Variants in RGPD3 observed in about 807,000 individuals in gnomAD.
RGPD3 encodes ranBP2-like and GRIP domain-containing protein 3.
Under a neutral mutation model 154.5 loss-of-function variants are expected in RGPD3, and 62 were observed. The ratio of observed to expected loss-of-function variants is 0.40; its 90% CI spans 0.33 to 0.50. The LOEUF (loss-of-function observed/expected upper bound fraction) is 0.50. Among genes scored for constraint, RGPD3 ranks in the 20% least tolerant of loss-of-function variants. RGPD3 has a pLI of 0.59. For synonymous variants in RGPD3, 308 were observed against 607.0 expected, an observed-to-expected ratio of 0.51 and a Z score of 7.24; for missense variants, 919 against 1,716.8, an observed-to-expected ratio of 0.54 and a Z score of 8.21.
chr2:106,412,117 T>C lies in RGPD3; in HGVS notation c.5266+967A>G, dbSNP rs924240833. Among the ~76,000 whole-genome samples, 632 of 145,736 alleles carry C rather than the reference T, an allele frequency of 4.3e-3. 2 individuals carry two copies. Among genetic ancestry groups the C allele is most frequent in the African/African-American group, 0.015 (575 of 39,170 alleles). The stretch of plus-strand genomic sequence containing the variant: ...GAGATTATAGCGTCTTCCTTGTGCT[T>C]GTAAATGTCAAAAATAAAAGTAATT... On this transcript the variant is annotated intron_variant, in intron 22 of 22. Transcript: ENST00000409886.
Position 106,414,451 on chromosome 2 carries a change from G to A in RGPD3, c.5065-1166C>T, listed in dbSNP as rs374365792. Among the ~76,000 whole-genome samples the A allele has an allele frequency of 5.1e-4, 77 of 151,734 alleles. 1 individual carries two copies. In the East Asian group the frequency reaches 0.015, roughly 30 times the overall value. The stretch of plus-strand genomic sequence containing the variant: ...ATCCTGGCCAACATGGTGAAACCAT[G>A]CCTCTAGTAAAATAAAAAAAATTAG... On this transcript the variant is annotated intron_variant, in intron 21 of 22. Coordinates refer to ENST00000409886, the MANE Select transcript of RGPD3 (RefSeq NM_001144013.2).
At chr2:106,408,823 A>G (rs900896146) in intron 22 of RGPD3, among the ~76,000 whole-genome samples, 6 of 151,874 alleles carry the variant, frequency 4.0e-5, no homozygotes, top group African/African-American at 1.4e-4. Context: ...AGTAGCTAGG[A>G]CTATGGGCAC....
intron 1 of RGPD3, among the ~76,000 whole-genome samples, chr2:106,465,818 G>C: frequency 6.6e-6 from 1 of 151,546 alleles, no homozygotes; most frequent in Non-Finnish European, 1.5e-5. Context: ...AGTGGAGCTG[G>C]ACCCTTACAA....
At chr2:106,413,501 C>T (rs1468146943) in intron 21 of RGPD3, among the ~76,000 whole-genome samples, 3 of 152,018 alleles carry the variant, frequency 2.0e-5, no homozygotes, top group Non-Finnish European at 2.9e-5. Flanking sequence ...ACATGAAAAC[C>T]GGAACTCCAA....
Position 106,420,324 on chromosome 2 carries a change from T to C in RGPD3, c.4924+2719A>G, listed in dbSNP as rs557614639. On this transcript the variant is annotated intron_variant, in intron 20 of 22. Coordinates refer to ENST00000409886, the MANE Select transcript of RGPD3 (RefSeq NM_001144013.2). ...GAAAACAACCCATCCCCAGCCACCATTAATGCAAAGGGCAAAAAATTAGAA... is the reference window on the plus strand; with the variant it reads ...GAAAACAACCCATCCCCAGCCACCACTAATGCAAAGGGCAAAAAATTAGAA... Among the ~76,000 whole-genome samples, 8 of 151,152 alleles carry C rather than the reference T, an allele frequency of 5.3e-5. No homozygotes were observed. The South Asian group carries it at 1.1e-3, about 20-fold the overall frequency.
chr2:106,406,751 C>T (rs1233270364), intron 22 of RGPD3, among the ~76,000 whole-genome samples: 4 of 152,200 alleles, frequency 2.6e-5, no homozygotes, highest in African/African-American at 4.8e-5. Context: ...TACTGGTTTT[C>T]ATTCCTCTTG....
Position 106,433,202 on chromosome 2 carries a change from G to A in RGPD3, c.2289C>T (p.Leu763=). ...ELENYSEGGP[L]YKNGSLRNAD... is the part of the protein sequence containing the mutation. ...CATTTCGCAAAGAACCATTTTTATA[G>A]AGAGGACCTCCTTCACTATAGTTTT... Residue 763 remains leucine, a synonymous_variant, in exon 16 of 23, where the codon CTC becomes CTT. Coordinates refer to ENST00000409886, the MANE Select transcript of RGPD3 (RefSeq NM_001144013.2). 1 of 1,611,820 alleles carries A rather than the reference G, an allele frequency of 6.2e-7. No homozygotes were observed. The highest frequency in any genetic ancestry group is 2.2e-5 in the East Asian group (1 of 44,774).
rs767595189 is a variant in RGPD3, at chr2:106,423,866, A to G, written c.4101T>C (p.Tyr1367=). Residue 1367 remains tyrosine (Y), a synonymous_variant, in exon 20 of 23, where the codon TAT becomes TAC. Coordinates refer to ENST00000409886, the MANE Select transcript of RGPD3 (RefSeq NM_001144013.2). ...CTTTCCATTGACCAACATCTTTATC[A>G]TATCTGTAGAATTCTGCCCTGTGAC... ...VFSHRAEFYR[Y]DKDVGQWKER... The G allele has an allele frequency of 1.4e-5, 22 of 1,611,838 alleles. No individual in the cohort carries two copies. The highest frequency in any genetic ancestry group is 8.3e-5 in the Admixed American group (5 of 59,978).
intron 20 of RGPD3, among the ~76,000 whole-genome samples, chr2:106,418,135 A>AC (rs1676869791): frequency 1.4e-5 from 2 of 144,486 alleles, no homozygotes; most frequent in Admixed American, 7.0e-5. Context: ...TCAAAACAAA[A>AC]AAACAAACAA....
chr2:106,461,431 A>G (rs1345762305), intron 1 of RGPD3, among the ~76,000 whole-genome samples: 1 of 152,224 alleles, frequency 6.6e-6, no homozygotes, highest in Non-Finnish European at 1.5e-5. Flanking sequence ...TACAGCATGA[A>G]TATGTTGGAC....
chr2:106,413,237 C>G lies in RGPD3; in HGVS notation c.5113G>C (p.Val1705Leu), dbSNP rs114550867. Residue 1705 changes from valine to leucine, a missense_variant, in exon 22 of 23, where the codon GTG becomes CTG. Coordinates refer to ENST00000409886, the MANE Select transcript of RGPD3 (RefSeq NM_001144013.2). ...AAGTGTTCCACGTTAGCTGCAGACA[C>G]CTCTTGCTCTTGATTCCTTTCCAAT... Reference protein sequence around the residue: ...RRLERNQEQEVSAANVEHLKN... With the variant: ...RRLERNQEQELSAANVEHLKN... The G allele has an allele frequency of 6.2e-7, 1 of 1,611,972 alleles. No homozygotes were observed. Among genetic ancestry groups the G allele is most frequent in the East Asian group, 2.2e-5 (1 of 44,874 alleles).
rs554152903 is a variant in RGPD3, at chr2:106,425,152, T to C, written c.2815A>G (p.Lys939Glu). The C allele has an allele frequency of 9.3e-6, 15 of 1,611,978 alleles. No homozygotes were observed. In the African/African-American group the frequency reaches 1.3e-4, roughly 14 times the overall value. ...AAGCCAGTATCATTTTCAAGAGGCTTTTCACTTTTCTTTTCTTGATTTCCT... is the reference window on the plus strand; with the variant it reads ...AAGCCAGTATCATTTTCAAGAGGCTCTTCACTTTTCTTTTCTTGATTTCCT... ...EPGNQEKKSE[K>E]PLENDTGLQA... The change falls in exon 20 of 23, where the codon AAG (lysine) becomes GAG (glutamate). Residue 939 changes from lysine to glutamate, a missense_variant. Physicochemically the swap from Lys to Glu is moderately conservative, Grantham distance 56 (BLOSUM62 1). Coordinates refer to ENST00000409886, the MANE Select transcript of RGPD3 (RefSeq NM_001144013.2).
chr2:106,466,158 G>T (rs1464415059), intron 1 of RGPD3, among the ~76,000 whole-genome samples: 3 of 148,894 alleles, frequency 2.0e-5, no homozygotes, highest in Admixed American at 1.3e-4. Context: ...GAGCACCGTC[G>T]GGAACAAGCG....
chr2:106,432,270 T>C (rs1300441817), intron 17 of RGPD3, among the ~76,000 whole-genome samples: 1 of 147,966 alleles, frequency 6.8e-6, no homozygotes, highest in African/African-American at 2.5e-5. Context: ...TTGGCCAACA[T>C]GGTGAAACTC....
intron 1 of RGPD3, among the ~76,000 whole-genome samples, chr2:106,467,533 T>C (rs62152542): frequency 0.073 from 431 of 5,884 alleles, 87 homozygotes; most frequent in East Asian, 0.36. Context: ...TGGGCCGGGT[T>C]GAGGCCGCCG....
Position 106,443,695 on chromosome 2 carries a change from T to C in RGPD3, c.979-2315A>G, listed in dbSNP as rs182567697. ...TCAATTCACTATTTCCTTTTTTTTTTTTTTTTTTGAGATGGAGTCTCGCTC... is the reference window on the plus strand; with the variant it reads ...TCAATTCACTATTTCCTTTTTTTTTCTTTTTTTTGAGATGGAGTCTCGCTC... On this transcript the variant is annotated intron_variant, in intron 7 of 22. Coordinates refer to ENST00000409886, the MANE Select transcript of RGPD3 (RefSeq NM_001144013.2). 6.7e-3 allele frequency among the ~76,000 whole-genome samples: 812 copies of C among 121,820 alleles called. 52 individuals carry two copies. The highest frequency in any genetic ancestry group is 0.025 in the African/African-American group (775 of 31,332). 79.9% of individuals were successfully genotyped at this position (121,820 alleles called of 152,430 possible). A position where few individuals can be genotyped will look rare whatever the true frequency, so the allele number is the denominator to read the frequency against.
chr2:106,466,388 C>A (rs1263205931), intron 1 of RGPD3, among the ~76,000 whole-genome samples: 1 of 146,634 alleles, frequency 6.8e-6, no homozygotes, highest in Non-Finnish European at 1.5e-5. Context: ...AGGCCACCGC[C>A]TCAACAGAGC....
At chr2:106,461,481 G>A (rs536741835) in intron 1 of RGPD3, among the ~76,000 whole-genome samples, 2 of 152,268 alleles carry the variant, frequency 1.3e-5, no homozygotes, top group East Asian at 3.9e-4. Flanking sequence ...GGAGCAGGAG[G>A]CCGTGAAATT....
At chr2:106,441,268 TA>T (rs1423624371) in intron 8 of RGPD3, 24 bp downstream of exon 8, 1 of 1,390,384 alleles carries the variant, frequency 7.2e-7, no homozygotes, top group African/African-American at 1.5e-5. Flanking sequence ...CTTTTTAAAT[TA>T]AATTAGTTTA....
Sources: allele counts gnomAD v4.1 joint callset (sites outside exome capture counted in the v4.1 genomes callset), GRCh38; gene constraint gnomAD v4.1.1; transcripts MANE v1.5; gene names NCBI Gene and HGNC (gene_info 2026-07-23, HGNC 2026-07-21).